ARHGEF38: variants seen among roughly 807,000 people sequenced by gnomAD.
ARHGEF38 encodes the protein Rho guanine nucleotide exchange factor (GEF) 38.
Under a neutral mutation model 79.9 loss-of-function variants are expected in ARHGEF38, and 79 were observed. That is an observed-to-expected ratio of 0.99 (90% CI 0.82 to 1.19). The LOEUF is 1.19. Ranked by LOEUF, ARHGEF38 falls within the 50% of genes most tolerant of loss-of-function variation. The pLI is 0.00. For missense variants in ARHGEF38, 962 were observed against 907.2 expected (o/e 1.06, Z -0.78); for synonymous variants, 366 against 328.3 (o/e 1.11, Z -1.24).
chr4:105,557,272 G>A (rs115128875), intron 1 of ARHGEF38, among the ~76,000 whole-genome samples: 2,886 of 152,098 alleles, frequency 0.019, 93 homozygotes, highest in African/African-American at 0.065. Context: ...AGATATACAT[G>A]TATGTACTTG....
chr4:105,553,097 T>C, intron 1 of ARHGEF38, 136 bp downstream of exon 1: 1 of 643,546 alleles, frequency 1.6e-6, no homozygotes, highest in Non-Finnish European at 2.5e-6. Context: ...AATAAGAAGA[T>C]GAAAGTAAAT....
intron 3 of ARHGEF38, among the ~76,000 whole-genome samples, chr4:105,624,430 A>G (rs1728861846): frequency 6.6e-6 from 1 of 152,120 alleles, no homozygotes; most frequent in African/African-American, 2.4e-5. Context: ...TAAAATGGAT[A>G]CTCAAGGGAT....
chr4:105,627,865 GA>G (rs1163213027), intron 3 of ARHGEF38, among the ~76,000 whole-genome samples: 1 of 152,182 alleles, frequency 6.6e-6, no homozygotes, highest in African/African-American at 2.4e-5. Context: ...GCACTATTAT[GA>G]AGCAGAATAC....
chr4:105,652,530 C>T (rs1223901880), intron 7 of ARHGEF38, among the ~76,000 whole-genome samples: 1 of 152,080 alleles, frequency 6.6e-6, no homozygotes, highest in Non-Finnish European at 1.5e-5. Context: ...CAGGATTTTG[C>T]AAGGCAGGAA....
chr4:105,557,583 G>A (rs1479054670), intron 1 of ARHGEF38, among the ~76,000 whole-genome samples: 9 of 132,086 alleles, frequency 6.8e-5, no homozygotes, highest in Non-Finnish European at 1.0e-4. Flanking sequence ...TTTGGTGAAT[G>A]GGATTAGTGA....
At chr4:105,637,799 C>T (rs1439000757) in intron 5 of ARHGEF38, among the ~76,000 whole-genome samples, 1 of 152,148 alleles carries the variant, frequency 6.6e-6, no homozygotes, top group Non-Finnish European at 1.5e-5. Flanking sequence ...CATGCACGGA[C>T]TTCTACATAC....
chr4:105,679,745 CT>C lies in ARHGEF38; in HGVS notation c.*1811del, dbSNP rs1731245993. ...TTTTGTTCCACATGTCTTAGTTGAC[CT>C]TTCTCTTGGTTGATAAAAACATATA... On this transcript the variant is annotated 3_prime_UTR_variant, in exon 14 of 14. Transcript: ENST00000420470. 2.3e-6 allele frequency: 2 copies of C among 867,102 alleles called. No individual in the cohort carries two copies. The highest frequency in any genetic ancestry group is 3.9e-6 in the Non-Finnish European group (2 of 507,660). 53.7% of individuals were successfully genotyped at this position (867,102 alleles called of 1,614,324 possible).
At chr4:105,566,088 A>AATCT (rs1387355056) in intron 1 of ARHGEF38, among the ~76,000 whole-genome samples, 1 of 152,110 alleles carries the variant, frequency 6.6e-6, no homozygotes, top group East Asian at 1.9e-4. Context: ...TTGCTAAGAG[A>AATCT]ATCTAATCAT....
chr4:105,581,035 T>TA (rs1180602208), intron 1 of ARHGEF38, among the ~76,000 whole-genome samples: 3 of 152,120 alleles, frequency 2.0e-5, no homozygotes, highest in Non-Finnish European at 2.9e-5. Flanking sequence ...ATAGAGACTG[T>TA]AAGGAAGAAG....
chr4:105,608,680 T>C (rs974261091), intron 2 of ARHGEF38, among the ~76,000 whole-genome samples: 1 of 152,018 alleles, frequency 6.6e-6, no homozygotes. Context: ...TTAACTATAG[T>C]CACCCTGTAT....
chr4:105,663,139 T>A (rs1730624861), intron 10 of ARHGEF38, among the ~76,000 whole-genome samples: 1 of 152,178 alleles, frequency 6.6e-6, no homozygotes, highest in Non-Finnish European at 1.5e-5. Flanking sequence ...ACATCTTGCA[T>A]AACTACATGT....
rs1464937200 is a variant in ARHGEF38, at chr4:105,552,912, C to T, written c.147C>T (p.Thr49=). The T allele has an allele frequency of 6.2e-7, 1 of 1,613,516 alleles. No individual in the cohort carries two copies. The highest frequency in any genetic ancestry group is 1.3e-5 in the African/African-American group (1 of 74,874). ...GTGTTTCTGGGGACCACTCTGGCAC[C>T]TTGAGGAGGAGCCAATCTGACAGGA... ...ESSVSGDHSG[T]LRRSQSDRTE... The change falls in exon 1 of 14, where the codon ACC becomes ACT. Residue 49 remains threonine (T), a synonymous_variant. Coordinates refer to ENST00000420470, the MANE Select transcript of ARHGEF38 (RefSeq NM_001242729.2).
At chr4:105,560,307 A>G (rs1192692021) in intron 1 of ARHGEF38, among the ~76,000 whole-genome samples, 3 of 152,160 alleles carry the variant, frequency 2.0e-5, no homozygotes, top group African/African-American at 7.2e-5. Flanking sequence ...TAGCTTAATG[A>G]TCTCCATTTC....
chr4:105,653,161 C>G (rs188194944), intron 7 of ARHGEF38, among the ~76,000 whole-genome samples: 2 of 152,192 alleles, frequency 1.3e-5, no homozygotes, highest in East Asian at 3.9e-4. Flanking sequence ...GCATAAAAAG[C>G]ATATCTTTCT....
intron 1 of ARHGEF38, among the ~76,000 whole-genome samples, chr4:105,554,543 T>G (rs1452684109): frequency 1.3e-5 from 2 of 152,210 alleles, no homozygotes; most frequent in Non-Finnish European, 2.9e-5. Context: ...ATTTTGTTCT[T>G]TCTTCTGGCT....
intron 3 of ARHGEF38, among the ~76,000 whole-genome samples, chr4:105,627,309 C>A (rs909227537): frequency 1.3e-5 from 2 of 152,122 alleles, no homozygotes; most frequent in Non-Finnish European, 2.9e-5. Context: ...TACTTACCTG[C>A]AGGAGAAATT....
intron 3 of ARHGEF38, among the ~76,000 whole-genome samples, chr4:105,623,097 C>G (rs1250583136): frequency 1.3e-5 from 2 of 152,194 alleles, no homozygotes; most frequent in African/African-American, 4.8e-5. Context: ...ATATCAAACA[C>G]TGGGCATAAC....
intron 3 of ARHGEF38, among the ~76,000 whole-genome samples, chr4:105,617,552 T>C (rs1466112305): frequency 6.6e-6 from 1 of 152,198 alleles, no homozygotes; most frequent in Admixed American, 6.5e-5. Context: ...TGTTTGATTC[T>C]TTGAAGCACC....
At chr4:105,665,632 T>C (rs1258848908) in intron 10 of ARHGEF38, among the ~76,000 whole-genome samples, 1 of 152,114 alleles carries the variant, frequency 6.6e-6, no homozygotes, top group Non-Finnish European at 1.5e-5. Context: ...GACAAGGTCT[T>C]GCTACATTGC....
Sources: gnomAD v4.1 joint callset for allele counts (sites outside exome capture counted in the v4.1 genomes callset) on GRCh38, gnomAD v4.1.1 for gene constraint, MANE v1.5 for transcripts, NCBI Gene and HGNC (gene_info 2026-07-23, HGNC 2026-07-21) for gene names.